Variants in GOLGA4 observed in about 807,000 individuals in gnomAD.
GOLGA4 encodes the protein golgin A4.
In GOLGA4, 169 loss-of-function variants were observed where a neutral mutation model predicts 265.9. That is an observed-to-expected ratio of 0.64 (90% CI 0.56 to 0.72). The LOEUF (loss-of-function observed/expected upper bound fraction) is 0.72. Ranked by LOEUF, GOLGA4 falls within the 30% of genes least tolerant of loss-of-function variation. The pLI is 0.00. For missense variants in GOLGA4, 2,482 were observed against 2,483.4 expected, an observed-to-expected ratio of 1.00 and a Z score of 0.01; for synonymous variants, 923 against 855.8, an observed-to-expected ratio of 1.08 and a Z score of -1.37.
At chr3:37,280,610 T>C (rs2096832260) in intron 2 of GOLGA4, among the ~76,000 whole-genome samples, 1 of 152,212 alleles carries the variant, frequency 6.6e-6, no homozygotes, top group Non-Finnish European at 1.5e-5. Flanking sequence ...AATATACATA[T>C]TGTTTTATAA....
intron 10 of GOLGA4, among the ~76,000 whole-genome samples, chr3:37,308,893 C>T (rs534192487): frequency 5.9e-4 from 90 of 152,072 alleles, no homozygotes; most frequent in Non-Finnish European, 8.4e-4. Context: ...GGATTTCAGG[C>T]GTGAGCCACT....
chr3:37,243,614 C>A lies in GOLGA4; in HGVS notation c.64C>A (p.Pro22Thr). 6.2e-7 allele frequency: 1 copy of A among 1,612,780 alleles called. No individual in the cohort carries two copies. Among genetic ancestry groups the A allele is most frequent in the South Asian group, 1.1e-5 (1 of 91,060 alleles). ...GCAGCAGCTCCAGCAGGCGCTGGCT[C>A]CTGCTCAGGTACGATGGCCGCCGCT... Reference protein sequence around the residue: ...EQQQLQQALAPAQASSNSSTP... With the variant: ...EQQQLQQALATAQASSNSSTP... Residue 22 changes from proline (P) to threonine (T), a missense_variant, in exon 1 of 24, where the codon CCT becomes ACT. Pro to Thr is a conservative substitution (Grantham distance 38). This residue lies in a region of GOLGA4 where 1,536 missense variants were observed against 1,483.7 expected (regional missense o/e 1.04). Transcript: ENST00000361924.
At position 37,282,207 on chromosome 3, in the gene GOLGA4, C is replaced by A; in HGVS notation, c.412C>A (p.Gln138Lys). ...VGNSDSLNKE[Q>K]LIQRLRRMER... ...GAATTCAGACAGTCTCAACAAAGAA[C>A]AGTTGATTCAGCGGTTGCGAAGAAT... Residue 138 changes from glutamine (Q) to lysine (K), a missense_variant, in exon 3 of 24, where the codon CAG (glutamine) becomes AAG (lysine). Gln to Lys is a moderately conservative substitution (Grantham distance 53). Coordinates refer to ENST00000361924, the MANE Select transcript of GOLGA4 (RefSeq NM_002078.5). 1 of 1,614,078 alleles carries A rather than the reference C, an allele frequency of 6.2e-7. No homozygotes were observed. The highest frequency in any genetic ancestry group is 8.5e-7 in the Non-Finnish European group (1 of 1,179,942).
intron 10 of GOLGA4, among the ~76,000 whole-genome samples, chr3:37,309,400 C>T (rs1379739444): frequency 3.9e-5 from 6 of 152,016 alleles, no homozygotes; most frequent in African/African-American, 1.4e-4. Flanking sequence ...ACTAAAAATA[C>T]AAAAATTAGC....
Position 37,328,410 on chromosome 3 carries a change from A to G in GOLGA4, c.5940-6A>G. 5.0e-6 allele frequency: 8 copies of G among 1,609,828 alleles called. No homozygotes were observed. Among genetic ancestry groups the G allele is most frequent in the Non-Finnish European group, 6.8e-6 (8 of 1,178,310 alleles). On this transcript the variant is annotated splice_region_variant and splice_polypyrimidine_tract_variant and intron_variant, in intron 14 of 23. Coordinates refer to ENST00000361924, the MANE Select transcript of GOLGA4 (RefSeq NM_002078.5). ...CAGCAGTTAACGGTACATTTTTATT[A>G]CTCAGACAGGAGCAGGAAGATCTTG... is the stretch of plus-strand genomic sequence containing the variant.
chr3:37,296,314 T>G, intron 7 of GOLGA4, 95 bp downstream of exon 7: 1 of 1,203,856 alleles, frequency 8.3e-7, no homozygotes, highest in Non-Finnish European at 1.2e-6. Flanking sequence ...GGGAGGCCAG[T>G]GTGGGAGGAT....
intron 22 of GOLGA4, 86 bp from the exon 23 acceptor site, chr3:37,361,157 A>T: frequency 9.7e-7 from 1 of 1,031,156 alleles, no homozygotes; most frequent in South Asian, 1.3e-5. Flanking sequence ...CTGTAATCCT[A>T]TGAACTTCAT....
intron 22 of GOLGA4, among the ~76,000 whole-genome samples, chr3:37,359,969 T>G (rs912763637): frequency 6.6e-6 from 1 of 152,150 alleles, no homozygotes; most frequent in Admixed American, 6.5e-5. Context: ...TAATACGTGA[T>G]CACTGGAAAA....
Position 37,340,195 on chromosome 3 carries a change from CA to C in GOLGA4, c.6471del (p.Gly2158ValfsTer29). 7.7e-7 allele frequency: 1 copy of C among 1,295,228 alleles called. No individual in the cohort carries two copies. Among genetic ancestry groups the C allele is most frequent in the Non-Finnish European group, 1.1e-6 (1 of 913,786 alleles). The allele number at this position is 1,295,228 out of a possible 1,614,324, so 80.2% of individuals were successfully genotyped here. On this transcript the variant is annotated frameshift_variant, in exon 20 of 24. Coordinates refer to ENST00000361924, the MANE Select transcript of GOLGA4 (RefSeq NM_002078.5). LOFTEE classifies it high-confidence loss of function. ...VYATTVGTPY[K>X]GGNLYHTDVS... ...ATGCAACAACTGTGGGGACACCTTA[CA>C]AAGGTAAGGATGATCTCGTGTCATG...
chr3:37,320,598 A>G (rs1197311995), intron 12 of GOLGA4, among the ~76,000 whole-genome samples: 2 of 152,236 alleles, frequency 1.3e-5, no homozygotes, highest in Non-Finnish European at 2.9e-5. Context: ...AAAGAATTAA[A>G]GCATTTTACA....
At chr3:37,345,414 T>TG (rs2097053085) in intron 20 of GOLGA4, among the ~76,000 whole-genome samples, 1 of 152,246 alleles carries the variant, frequency 6.6e-6, no homozygotes, top group Non-Finnish European at 1.5e-5. Context: ...AAATGTCAAG[T>TG]GGATTTTTCA....
chr3:37,337,870 G>A, intron 19 of GOLGA4, 136 bp downstream of exon 19: 1 of 591,452 alleles, frequency 1.7e-6, no homozygotes, highest in South Asian at 2.3e-5. Context: ...CAAATCCAAA[G>A]GTACTAGAGG....
intron 2 of GOLGA4, among the ~76,000 whole-genome samples, chr3:37,252,583 G>T (rs75939845): frequency 0.012 from 1,799 of 152,186 alleles, 18 homozygotes; most frequent in South Asian, 0.035. Flanking sequence ...CTCACCAGGA[G>T]CTTATGAAAG....
chr3:37,283,569 A>G (rs1237211441), intron 3 of GOLGA4, among the ~76,000 whole-genome samples: 1 of 151,994 alleles, frequency 6.6e-6, no homozygotes, highest in Non-Finnish European at 1.5e-5. Flanking sequence ...CCCAGACTGG[A>G]GTGCAGTGGC....
intron 18 of GOLGA4, 67 bp downstream of exon 18, chr3:37,337,230 C>T (rs1578773797): frequency 1.5e-5 from 13 of 856,936 alleles, no homozygotes; most frequent in Middle Eastern, 6.8e-4. Context: ...CTCTGTTGCC[C>T]AGGCTGTTGC....
chr3:37,361,723 G>T (rs1375377260), intron 23 of GOLGA4, among the ~76,000 whole-genome samples: 1 of 152,204 alleles, frequency 6.6e-6, no homozygotes, highest in Non-Finnish European at 1.5e-5. Flanking sequence ...TCAAAATCCT[G>T]TAAAGCCTGA....
At chr3:37,298,723 C>G (rs2096884962) in intron 7 of GOLGA4, 110 bp from the exon 8 acceptor site, 1 of 732,126 alleles carries the variant, frequency 1.4e-6, no homozygotes. Flanking sequence ...AGGTTAGAAC[C>G]AAGATGGAGT....
In GOLGA4 at chr3:37,243,599, C is replaced by A. The variant is rs1432523543; in HGVS notation, c.49C>A (p.Gln17Lys). The A allele has an allele frequency of 6.2e-7, 1 of 1,613,642 alleles. No homozygotes were observed. Among genetic ancestry groups the A allele is most frequent in the African/African-American group, 1.3e-5 (1 of 74,940 alleles). The change falls in exon 1 of 24, where the codon CAG becomes AAG. Residue 17 changes from glutamine (Q) to lysine (K), a missense_variant. By Grantham distance (53) the Gln-to-Lys change is moderately conservative (BLOSUM62 1). Around this residue, in one of 3 missense-constraint regions of GOLGA4, gnomAD observed 1,536 missense variants for 1,483.7 expected, o/e 1.04. Coordinates refer to ENST00000361924, the MANE Select transcript of GOLGA4 (RefSeq NM_002078.5). ...GATCAGCGAGGAGCAGCAGCAGCTC[C>A]AGCAGGCGCTGGCTCCTGCTCAGGT... ...QKISEEQQQL[Q>K]QALAPAQASS...
intron 23 of GOLGA4, among the ~76,000 whole-genome samples, chr3:37,362,233 A>T (rs201242378): frequency 4.5e-4 from 21 of 46,770 alleles, no homozygotes; most frequent in African/African-American, 8.3e-4. Context: ...TTATTTATTT[A>T]TTTATTATTT....
Sources: gnomAD v4.1 joint callset for allele counts (sites outside exome capture counted in the v4.1 genomes callset) on GRCh38, gnomAD v4.1.1 for gene constraint, gnomAD v4.1.1 regional missense constraint, MANE v1.5 for transcripts, NCBI Gene and HGNC (gene_info 2026-07-23, HGNC 2026-07-21) for gene names.